Variants in LHFPL3 observed in about 807,000 individuals in gnomAD.
LHFPL3 encodes the protein LHFPL tetraspan subfamily member 3, also known as LHFPL tetraspan subfamily member 3 protein.
Under a neutral mutation model 19.3 loss-of-function variants are expected in LHFPL3, and 5 were observed. The ratio of observed to expected loss-of-function variants is 0.26; its 90% CI spans 0.14 to 0.54. The LOEUF is 0.54. LHFPL3 is among the 20% of genes least tolerant of loss of function. LHFPL3 has a pLI of 0.94. For synonymous variants in LHFPL3, 133 were observed against 126.2 expected (o/e 1.05, Z -0.36); for missense variants, 249 against 307.4 (o/e 0.81, Z 1.42).
chr7:104,454,278 C>T (rs1327010799), intron 1 of LHFPL3, among the ~76,000 whole-genome samples: 1 of 152,174 alleles, frequency 6.6e-6, no homozygotes, highest in South Asian at 2.1e-4. Context: ...GGTGGAGCAG[C>T]ATTAGTCAGA....
intron 1 of LHFPL3, among the ~76,000 whole-genome samples, chr7:104,621,615 T>C (rs1186696313): frequency 4.6e-5 from 7 of 152,224 alleles, no homozygotes. Flanking sequence ...CTTAATCATA[T>C]TGCCGTCTGT....
At chr7:104,375,654 A>T (rs531812270) in intron 1 of LHFPL3, among the ~76,000 whole-genome samples, 2 of 152,236 alleles carry the variant, frequency 1.3e-5, no homozygotes, top group Non-Finnish European at 1.5e-5. Context: ...AATGTTCGTA[A>T]CATTTAGATT....
intron 1 of LHFPL3, among the ~76,000 whole-genome samples, chr7:104,430,423 T>C (rs1489715131): frequency 3.4e-4 from 4 of 11,846 alleles, no homozygotes; most frequent in Admixed American, 9.3e-4. Flanking sequence ...TATATACATA[T>C]ATATATATAT....
chr7:104,480,614 T>A (rs1264600007), intron 1 of LHFPL3, among the ~76,000 whole-genome samples: 1 of 152,206 alleles, frequency 6.6e-6, no homozygotes, highest in Non-Finnish European at 1.5e-5. Context: ...CAGCTCTCTG[T>A]TGTAAGCTGC....
At chr7:104,524,866 C>G (rs949911359) in intron 1 of LHFPL3, among the ~76,000 whole-genome samples, 2 of 152,132 alleles carry the variant, frequency 1.3e-5, no homozygotes, top group African/African-American at 4.8e-5. Flanking sequence ...GGCTAAAAAA[C>G]AGAACCAAAA....
intron 1 of LHFPL3, among the ~76,000 whole-genome samples, chr7:104,608,069 A>C (rs1221692495): frequency 2.6e-5 from 4 of 152,214 alleles, no homozygotes; most frequent in African/African-American, 7.2e-5. Context: ...TAGTTCAACC[A>C]TTGTGGAAGT....
intron 1 of LHFPL3, among the ~76,000 whole-genome samples, chr7:104,658,223 C>T (rs1295415860): frequency 6.6e-6 from 1 of 152,158 alleles, no homozygotes; most frequent in African/African-American, 2.4e-5. Flanking sequence ...TGCAAGTTCT[C>T]AGTTCTGATT....
At position 104,669,108 on chromosome 7, in the gene LHFPL3, T is replaced by C. The variant is rs1156944817; in HGVS notation, c.446-67567T>C. On this transcript the variant is annotated intron_variant, in intron 1 of 2. Coordinates refer to ENST00000424859, the MANE Select transcript of LHFPL3 (RefSeq NM_199000.3). ...ATGAAACACTCAATAAGGAGGAAGATTGCCACTCTCCAACTTCTAAACCTC... is the reference window on the plus strand; with the variant it reads ...ATGAAACACTCAATAAGGAGGAAGACTGCCACTCTCCAACTTCTAAACCTC... 3.1e-6 allele frequency: 5 copies of C among 1,612,586 alleles called. No individual in the cohort carries two copies. The African/African-American group carries it at 4.0e-5, about 13-fold the overall frequency.
chr7:104,503,695 G>C (rs1214109096), intron 1 of LHFPL3, among the ~76,000 whole-genome samples: 1 of 151,998 alleles, frequency 6.6e-6, no homozygotes, highest in East Asian at 1.9e-4. Flanking sequence ...TCAGCCTCCT[G>C]AGTAGCTGGA....
At chr7:104,881,426 T>C (rs1444567165) in intron 2 of LHFPL3, among the ~76,000 whole-genome samples, 1 of 152,184 alleles carries the variant, frequency 6.6e-6, no homozygotes, top group African/African-American at 2.4e-5. Context: ...GAGTCTTGAC[T>C]TGATTTCAAG....
At chr7:104,803,916 T>C (rs1354615833) in intron 2 of LHFPL3, 2 of 152,240 alleles carry the variant, frequency 1.3e-5, no homozygotes, top group African/African-American at 2.4e-5. Flanking sequence ...GATAAATTAA[T>C]GTCAGGCTTC....
Position 104,463,329 on chromosome 7 carries a change from A to G in LHFPL3, c.445+134105A>G, listed in dbSNP as rs758534027. The stretch of plus-strand genomic sequence containing the variant: ...CTAATTCTTTAAGATGTGATATTGG[A>G]TTATTAATTTGAAATCTTTCTAACT... On this transcript the variant is annotated intron_variant, in intron 1 of 2. Coordinates refer to ENST00000424859, the MANE Select transcript of LHFPL3 (RefSeq NM_199000.3). Among the ~76,000 whole-genome samples the G allele has an allele frequency of 2.0e-5, 3 of 152,056 alleles. No homozygotes were observed. The South Asian group carries it at 6.2e-4, about 32-fold the overall frequency.
At chr7:104,436,020 A>G (rs893376791) in intron 1 of LHFPL3, among the ~76,000 whole-genome samples, 1 of 152,144 alleles carries the variant, frequency 6.6e-6, no homozygotes, top group African/African-American at 2.4e-5. Context: ...TAGTAGTAGT[A>G]ATAATAAAAA....
chr7:104,423,527 C>T (rs1384564951), intron 1 of LHFPL3, among the ~76,000 whole-genome samples: 1 of 152,110 alleles, frequency 6.6e-6, no homozygotes, highest in South Asian at 2.1e-4. Context: ...AATTTCTCAC[C>T]CATGCCTGAC....
chr7:104,397,559 T>A lies in LHFPL3; in HGVS notation c.445+68335T>A, dbSNP rs560795588. Among the ~76,000 whole-genome samples, 373 of 152,158 alleles carry A rather than the reference T, an allele frequency of 2.5e-3. 2 individuals carry two copies. The highest frequency in any genetic ancestry group is 8.5e-3 in the African/African-American group (354 of 41,518). ...GCCACTTCATATACTTTACCCCTAGTTTCCCCCGGGGGACGGCACTTTCCT... is the reference window on the plus strand; with the variant it reads ...GCCACTTCATATACTTTACCCCTAGATTCCCCCGGGGGACGGCACTTTCCT... On this transcript the variant is annotated intron_variant, in intron 1 of 2. Transcript: ENST00000424859.
intron 1 of LHFPL3, among the ~76,000 whole-genome samples, chr7:104,729,754 T>A (rs560788622): frequency 1.2e-3 from 177 of 152,258 alleles, no homozygotes; most frequent in Non-Finnish European, 2.4e-3. Context: ...TTATATATAT[T>A]TTTTATTATA....
intron 1 of LHFPL3, among the ~76,000 whole-genome samples, chr7:104,531,893 C>T (rs1794301594): frequency 6.6e-6 from 1 of 152,110 alleles, no homozygotes; most frequent in Non-Finnish European, 1.5e-5. Flanking sequence ...GCACCTATCC[C>T]TCCATGATCC....
chr7:104,565,761 ATCTATCTATCT>A (rs1790109838), intron 1 of LHFPL3, among the ~76,000 whole-genome samples: 1 of 143,638 alleles, frequency 7.0e-6, no homozygotes, highest in Non-Finnish European at 1.5e-5. Flanking sequence ...CTATCTATCT[ATCTATCTATCT>A]AATCTATCTA....
chr7:104,646,229 G>T (rs1324473525), intron 1 of LHFPL3, among the ~76,000 whole-genome samples: 1 of 152,222 alleles, frequency 6.6e-6, no homozygotes, highest in Non-Finnish European at 1.5e-5. Flanking sequence ...GAGCTGTATT[G>T]TAAGTGGGCT....
Sources: gnomAD v4.1 joint callset for allele counts (sites outside exome capture counted in the v4.1 genomes callset) on GRCh38, gnomAD v4.1.1 for gene constraint, MANE v1.5 for transcripts, NCBI Gene and HGNC (gene_info 2026-07-23, HGNC 2026-07-21) for gene names.